Variants in PROM1 observed in about 807,000 individuals in gnomAD.
PROM1 encodes the protein prominin 1, also known as prominin-1.
A neutral mutation model predicts 116.9 loss-of-function variants in PROM1; 105 were observed. The observed-to-expected ratio is 0.90, with a 90% CI of 0.77 to 1.06. The LOEUF (loss-of-function observed/expected upper bound fraction) is 1.06. Among genes scored for constraint, PROM1 ranks in the 50% least tolerant of loss-of-function variants. The probability of loss-of-function intolerance (pLI) is 0.00; values close to 1 mark genes in which losing one functional copy is unlikely to be tolerated. For missense variants in PROM1, 1,122 were observed against 1,045.2 expected (o/e 1.07, Z -1.01); for synonymous variants, 393 against 387.0 (o/e 1.02, Z -0.18).
intron 26 of PROM1, among the ~76,000 whole-genome samples, chr4:15,975,770 G>A (rs996448052): frequency 1.3e-5 from 2 of 152,098 alleles, no homozygotes; most frequent in African/African-American, 2.4e-5. Flanking sequence ...GCCTGTAGAC[G>A]GGCTGAACAT....
chr4:16,046,904 A>G (rs1231626607), intron 2 of PROM1, among the ~76,000 whole-genome samples: 1 of 152,230 alleles, frequency 6.6e-6, no homozygotes, highest in East Asian at 1.9e-4. Flanking sequence ...CCCTCATCCA[A>G]CCACGCACTC....
intron 10 of PROM1, among the ~76,000 whole-genome samples, chr4:16,014,524 G>A (rs1727796644): frequency 6.6e-6 from 1 of 152,224 alleles, no homozygotes; most frequent in South Asian, 2.1e-4. Context: ...CGGTAAGTAA[G>A]TGTCTGGTAA....
At chr4:16,018,752 C>T (rs761987081) in intron 8 of PROM1, among the ~76,000 whole-genome samples, 1 of 152,122 alleles carries the variant, frequency 6.6e-6, no homozygotes, top group Non-Finnish European at 1.5e-5. Flanking sequence ...CACTTGGGGT[C>T]TCTTTCCAAC....
chr4:16,021,098 C>CAA (rs34850856), intron 8 of PROM1, among the ~76,000 whole-genome samples: 69,576 of 129,774 alleles, frequency 0.54, 20,378 homozygotes, highest in Non-Finnish European at 0.67. Flanking sequence ...CATTTTTAGC[C>CAA]AAAAAAAAAA....
rs765104872 is a variant in PROM1 at position 16,009,103 on chromosome 4, T to C, written c.1147A>G (p.Lys383Glu). 3.1e-6 allele frequency: 5 copies of C among 1,612,420 alleles called. No homozygotes were observed. Among genetic ancestry groups the C allele is most frequent in the Non-Finnish European group, 3.4e-6 (4 of 1,179,114 alleles). The change falls in exon 12 of 28, where the codon AAA (lysine) becomes GAA (glutamate). Residue 383 changes from lysine (K) to glutamate (E), a missense_variant. Transcript: ENST00000447510. ...RQTTTVVAGI[K>E]RVLNSIGSDI... is the part of the protein sequence containing the mutation. ...GAACCAATGGAATTCAAGACCCTTT[T>C]GATACCTGAAAACAAAGATACCTTT...
At chr4:15,997,437 T>TTATATA (rs150863529) in intron 15 of PROM1, among the ~76,000 whole-genome samples, 3 of 148,996 alleles carry the variant, frequency 2.0e-5, no homozygotes, top group African/African-American at 7.4e-5. Context: ...TCAGGAGTTG[T>TTATATA]TATATATATA....
intron 26 of PROM1, among the ~76,000 whole-genome samples, chr4:15,977,195 A>C (rs6847030): frequency 0.54 from 82,702 of 152,072 alleles, 22,944 homozygotes; most frequent in Middle Eastern, 0.66. Context: ...CCAGGCTTGC[A>C]TCTCTCTCTC....
At chr4:16,031,661 A>G (rs1310997911) in intron 5 of PROM1, among the ~76,000 whole-genome samples, 3 of 151,730 alleles carry the variant, frequency 2.0e-5, no homozygotes, top group Admixed American at 6.6e-5. Flanking sequence ...GGAAGAAAAG[A>G]GAGAGAGAGA....
In PROM1 at chr4:15,979,401, A is replaced by T. The variant is rs1241742160; in HGVS notation, c.2576T>A (p.Met859Lys). Residue 859 changes from methionine (M) to lysine (K), a missense_variant, in exon 26 of 28, where the codon ATG (methionine) becomes AAG (lysine). Met to Lys is a moderately conservative substitution (Grantham distance 95). Transcript: ENST00000447510. ...CTTCCAGACTTTGCTTTACCTTGTC[A>T]TAACAGGATTGTGAATACCATATAC... ...DHVYGIHNPV[M>K]TSPSQH 1.9e-6 allele frequency: 3 copies of T among 1,613,846 alleles called. No individual in the cohort carries two copies. Among genetic ancestry groups the T allele is most frequent in the Non-Finnish European group, 2.5e-6 (3 of 1,179,802 alleles).
chr4:16,027,732 T>C (rs1731676687), intron 5 of PROM1, among the ~76,000 whole-genome samples: 1 of 152,240 alleles, frequency 6.6e-6, no homozygotes, highest in Non-Finnish European at 1.5e-5. Flanking sequence ...GTTAACTTTG[T>C]ATAATGCAGT....
chr4:16,050,805 T>C (rs1025836050), intron 2 of PROM1, among the ~76,000 whole-genome samples: 65 of 152,366 alleles, frequency 4.3e-4, no homozygotes, highest in African/African-American at 1.4e-3. Context: ...ATACACATTT[T>C]CCATGAACGT....
intron 5 of PROM1, among the ~76,000 whole-genome samples, chr4:16,029,238 T>C (rs1475571159): frequency 6.6e-6 from 1 of 152,186 alleles, no homozygotes; most frequent in Non-Finnish European, 1.5e-5. Flanking sequence ...TAGTATAAAA[T>C]GAACTTTGAA....
chr4:16,003,686 C>T (rs961333996), intron 13 of PROM1, among the ~76,000 whole-genome samples: 2 of 152,208 alleles, frequency 1.3e-5, no homozygotes, highest in Non-Finnish European at 2.9e-5. Flanking sequence ...GGTAGCGGCT[C>T]ACACCTGTAA....
chr4:15,998,227 G>T (rs560254549), intron 15 of PROM1, among the ~76,000 whole-genome samples, 158 bp downstream of exon 15: 29 of 152,238 alleles, frequency 1.9e-4, no homozygotes, highest in South Asian at 1.5e-3. Flanking sequence ...ATATATTTTT[G>T]ATCTAATTTC....
At chr4:15,980,860 C>G (rs1452421403) in intron 23 of PROM1, among the ~76,000 whole-genome samples, 1 of 152,102 alleles carries the variant, frequency 6.6e-6, no homozygotes, top group African/African-American at 2.4e-5. Context: ...CTAACCACCC[C>G]AAACAGATTC....
chr4:15,983,179 C>T (rs766671288), intron 23 of PROM1, among the ~76,000 whole-genome samples: 4 of 152,108 alleles, frequency 2.6e-5, no homozygotes, highest in East Asian at 3.8e-4. Flanking sequence ...ATGAGGAAAA[C>T]GGAGCTCAGC....
chr4:16,025,218 G>T lies in PROM1; in HGVS notation c.604C>A (p.Arg202=), dbSNP rs140872693. 1 of 1,613,826 alleles carries T rather than the reference G, an allele frequency of 6.2e-7. No individual in the cohort carries two copies. Among genetic ancestry groups the T allele is most frequent in the Non-Finnish European group, 8.5e-7 (1 of 1,179,740 alleles). Reference sequence around the variant, plus strand: ...TCTGGAGTTTCATTCAAGAGAGTTCGCAAGTCCTTGAAATTGCTATCTGCC... The same window carrying T: ...TCTGGAGTTTCATTCAAGAGAGTTCTCAAGTCCTTGAAATTGCTATCTGCC... The part of the protein sequence containing the change: ...KLADSNFKDL[R]TLLNETPEQI... The change falls in exon 6 of 28, where the codon CGA becomes AGA. Residue 202 remains arginine (R), a synonymous_variant. Transcript: ENST00000447510.
intron 12 of PROM1, among the ~76,000 whole-genome samples, chr4:16,008,743 A>G (rs570477154): frequency 6.6e-6 from 1 of 152,354 alleles, no homozygotes; most frequent in South Asian, 2.1e-4. Context: ...CCTTCTATGC[A>G]TTGTTCCAAT....
chr4:15,999,525 TG>T (rs1723203811), intron 14 of PROM1, among the ~76,000 whole-genome samples: 1 of 151,988 alleles, frequency 6.6e-6, no homozygotes, highest in South Asian at 2.1e-4. Context: ...ATATTTAAGA[TG>T]GGCAAATCAA....
Sources: gnomAD v4.1 joint callset for allele counts (sites outside exome capture counted in the v4.1 genomes callset) on GRCh38, gnomAD v4.1.1 for gene constraint, MANE v1.5 for transcripts, NCBI Gene and HGNC (gene_info 2026-07-23, HGNC 2026-07-21) for gene names.